The following PTPRU variants were observed in gnomAD, a reference collection of about 807,000 sequenced individuals.
The protein encoded by PTPRU is protein tyrosine phosphatase receptor type U.
PTPRU carries 69 observed loss-of-function variants against 166.3 expected under a neutral mutation model. The observed-to-expected ratio is 0.41, with a 90% confidence interval of 0.34 to 0.51. The LOEUF (loss-of-function observed/expected upper bound fraction) is 0.51. PTPRU is among the 20% of genes least tolerant of loss of function. The pLI is 0.09. For synonymous variants in PTPRU, 793 were observed against 814.0 expected (o/e 0.97, Z 0.44); for missense variants, 1,657 against 2,013.7 (o/e 0.82, Z 3.39).
At position 29,279,897 on chromosome 1, in the gene PTPRU, G is replaced by A. The variant is rs775058742; in HGVS notation, c.1766-142G>A. The A allele has an allele frequency of 5.3e-5, 52 of 982,146 alleles. No homozygotes were observed. In the Middle Eastern group the frequency reaches 9.1e-4, roughly 17 times the overall value. 60.8% of individuals were successfully genotyped at this position (982,146 alleles called of 1,614,324 possible). Reference sequence around the variant, plus strand: ...CTGGTGCCTGAGGTCAGGGGCCAGGGTAGCTCAGGTCATGTCAGCAGGAAC... The same window carrying A: ...CTGGTGCCTGAGGTCAGGGGCCAGGATAGCTCAGGTCATGTCAGCAGGAAC... On this transcript the variant is annotated intron_variant, in intron 10 of 29. Coordinates refer to ENST00000373779, the MANE Select transcript of PTPRU (RefSeq NM_133178.4). This position sits in a 1 kb window ranked among gnomAD's most constrained non-coding sequence, Gnocchi z 5.2.
intron 5 of PTPRU, 44 bp downstream of exon 5, chr1:29,259,608 G>A (rs1684945738): frequency 2.8e-6 from 4 of 1,448,526 alleles, no homozygotes; most frequent in Non-Finnish European, 3.8e-6. Flanking sequence ...GGTGGGAGGG[G>A]GTTGGTGGCT....
chr1:29,268,674 T>A (rs1373863535), intron 7 of PTPRU, among the ~76,000 whole-genome samples: 1 of 152,222 alleles, frequency 6.6e-6, no homozygotes, highest in African/African-American at 2.4e-5. Flanking sequence ...AGTATAGCGC[T>A]TAACACACAG....
rs1444836766 is a variant in PTPRU, at chr1:29,260,806, C to T, written c.1047C>T (p.Pro349=). ...CCTACAAGCTGTGGCACCTCGACCC[C>T]GACACAGAGTATGAGATCAGCGTGC... ...LQTYKLWHLD[P]DTEYEISVLL... Residue 349 remains proline, a synonymous_variant, in exon 7 of 30, where the codon CCC becomes CCT. Transcript: ENST00000373779. The surrounding 1 kb of genome is among the most constrained non-coding windows in gnomAD (Gnocchi z 8.3). 1 of 1,613,338 alleles carries T rather than the reference C, an allele frequency of 6.2e-7. No individual in the cohort carries two copies. Among genetic ancestry groups the T allele is most frequent in the Non-Finnish European group, 8.5e-7 (1 of 1,179,778 alleles).
In PTPRU at chr1:29,315,154, CCT is replaced by C. The variant is rs1687840392; in HGVS notation, c.3228-217_3228-216del. On this transcript the variant is annotated intron_variant, in intron 22 of 29. Transcript: ENST00000373779. The surrounding 1 kb of genome is among the most constrained non-coding windows in gnomAD (Gnocchi z 4.5). ...CTCCCCACCCTCTCTCCTCTCCTTC[CCT>C]GAGGCCCATCCCATCTCTGTCCTCT... Among the ~76,000 whole-genome samples the C allele has an allele frequency of 6.6e-6, 1 of 152,166 alleles. No individual in the cohort carries two copies. Among genetic ancestry groups the C allele is most frequent in the South Asian group, 2.1e-4 (1 of 4,828 alleles).
intron 12 of PTPRU, 174 bp from the exon 13 acceptor site, chr1:29,283,766 T>C: frequency 1.4e-6 from 1 of 713,992 alleles, no homozygotes; most frequent in Non-Finnish European, 2.4e-6. Flanking sequence ...GCCTCCCCTC[T>C]AGGCCCCGCT....
chr1:29,259,600 T>TTGGGGGGGGGGGGGGGGGGG, intron 5 of PTPRU, 36 bp downstream of exon 5: 1 of 253,696 alleles, frequency 3.9e-6, no homozygotes, highest in Non-Finnish European at 7.7e-6. Context: ...GGGGGCGGGG[T>TTGGGGGGGGGGGGGGGGGGG]GGGAGGGGGT....
intron 7 of PTPRU, among the ~76,000 whole-genome samples, chr1:29,269,190 T>C (rs1685429503): frequency 7.3e-6 from 1 of 137,306 alleles, no homozygotes. Flanking sequence ...GCTACAGGCT[T>C]GCACCACCAT....
intron 7 of PTPRU, among the ~76,000 whole-genome samples, chr1:29,270,096 A>G (rs1685496469): frequency 2.0e-5 from 3 of 152,140 alleles, no homozygotes; most frequent in African/African-American, 7.2e-5. Context: ...GTGGTTGAAG[A>G]AAGGGCTTTT....
At chr1:29,250,994 G>A (rs1162466580) in intron 1 of PTPRU, among the ~76,000 whole-genome samples, 1 of 152,240 alleles carries the variant, frequency 6.6e-6, no homozygotes, top group Admixed American at 6.5e-5. Flanking sequence ...GCTCATGCCT[G>A]TAATCCCAGC....
intron 2 of PTPRU, among the ~76,000 whole-genome samples, chr1:29,256,260 G>A (rs1297245571): frequency 6.6e-6 from 1 of 152,126 alleles, no homozygotes; most frequent in Non-Finnish European, 1.5e-5. Context: ...CTCTTCACTG[G>A]ATGCAGGATC....
chr1:29,315,774 C>T lies in PTPRU; in HGVS notation c.3364-228C>T, dbSNP rs1224241288. Among the ~76,000 whole-genome samples the T allele has an allele frequency of 1.3e-5, 2 of 152,194 alleles. No individual in the cohort carries two copies. The highest frequency in any genetic ancestry group is 2.9e-5 in the Non-Finnish European group (2 of 68,024). On this transcript the variant is annotated intron_variant, in intron 23 of 29. Coordinates refer to ENST00000373779, the MANE Select transcript of PTPRU (RefSeq NM_133178.4). This position sits in a 1 kb window ranked among gnomAD's most constrained non-coding sequence, Gnocchi z 4.5. ...GGATGTGTGACCGTGAGCTGTCCCC[C>T]ACCTCTCAGAGCACTCACAGAGTTG...
rs1330793751 is a variant in PTPRU, at chr1:29,291,859, C to G, written c.2319-10C>G. 5.0e-6 allele frequency: 8 copies of G among 1,613,432 alleles called. No individual in the cohort carries two copies. Among genetic ancestry groups the G allele is most frequent in the Non-Finnish European group, 6.8e-6 (8 of 1,179,708 alleles). ...CAATGCCTGTGTCTCCCCTCAACCCCCCTCTCCAGGAAGCCGGTGAACATG... is the reference window on the plus strand; with the variant it reads ...CAATGCCTGTGTCTCCCCTCAACCCGCCTCTCCAGGAAGCCGGTGAACATG... On this transcript the variant is annotated splice_polypyrimidine_tract_variant and intron_variant, in intron 14 of 29. Transcript: ENST00000373779. This position sits in a 1 kb window ranked among gnomAD's most constrained non-coding sequence, Gnocchi z 4.1.
intron 25 of PTPRU, among the ~76,000 whole-genome samples, chr1:29,319,896 TAGATCTTTAATGGG>T (rs2151970434): frequency 6.6e-6 from 1 of 151,874 alleles, no homozygotes; most frequent in South Asian, 2.1e-4. Flanking sequence ...GGCTGGGAGC[TAGATCTTTAATGGG>T]AGAAGGCCGG....
rs1688255611 is a variant in PTPRU, at chr1:29,323,450, A to G, written c.3908A>G (p.Asp1303Gly). 2 of 1,609,950 alleles carry G rather than the reference A, an allele frequency of 1.2e-6. No homozygotes were observed. Among genetic ancestry groups the G allele is most frequent in the Non-Finnish European group, 1.7e-6 (2 of 1,178,212 alleles). The change falls in exon 27 of 30, where the codon GAT becomes GGT. Residue 1303 changes from aspartate (D) to glycine (G), a missense_variant. This residue lies in a region of PTPRU where 1,190 missense variants were observed against 1,477.4 expected (regional missense o/e 0.81). Coordinates refer to ENST00000373779, the MANE Select transcript of PTPRU (RefSeq NM_133178.4). ...MEVEFMSGTA[D>G]EDLVARVFRV... is the part of the protein sequence containing the mutation. The stretch of plus-strand genomic sequence containing the variant: ...GTGGAGTTTATGTCGGGCACAGCTG[A>G]TGAAGACTTAGTGGCTCGAGTCTTC...
rs1258624892 is a variant in PTPRU at position 29,311,827 on chromosome 1, C to T, written c.3072+68C>T. 9.0e-6 allele frequency: 13 copies of T among 1,446,892 alleles called. No individual in the cohort carries two copies. In the Admixed American group the frequency reaches 2.1e-4, roughly 23 times the overall value. The allele number at this position is 1,446,892 out of a possible 1,614,324, so 89.6% of individuals were successfully genotyped here. On this transcript the variant is annotated intron_variant, in intron 21 of 29. Coordinates refer to ENST00000373779, the MANE Select transcript of PTPRU (RefSeq NM_133178.4). This position sits in a 1 kb window ranked among gnomAD's most constrained non-coding sequence, Gnocchi z 4.1. ...CAGGGATTAGAGCCCACTCCCACTTCCCCCAGCCCTGGGAGCAGGAGGGTG... is the reference window on the plus strand; with the variant it reads ...CAGGGATTAGAGCCCACTCCCACTTTCCCCAGCCCTGGGAGCAGGAGGGTG...
intron 7 of PTPRU, among the ~76,000 whole-genome samples, chr1:29,269,532 CAG>C (rs1685470889): frequency 6.6e-6 from 1 of 151,872 alleles, no homozygotes; most frequent in Non-Finnish European, 1.5e-5. Flanking sequence ...GCCTGGCAGA[CAG>C]GGTGCAAACA....
chr1:29,239,109 T>C (rs1375228961), intron 1 of PTPRU, among the ~76,000 whole-genome samples: 1 of 152,186 alleles, frequency 6.6e-6, no homozygotes, highest in Admixed American at 6.5e-5. Flanking sequence ...TACTTGCTAT[T>C]CATGTGATGT....
intron 12 of PTPRU, among the ~76,000 whole-genome samples, 186 bp downstream of exon 12, chr1:29,283,135 C>G (rs1042227288): frequency 6.6e-6 from 1 of 150,802 alleles, no homozygotes; most frequent in South Asian, 2.1e-4. Context: ...CTCCTGTAGC[C>G]CCACCTCCCA....
intron 7 of PTPRU, among the ~76,000 whole-genome samples, chr1:29,274,124 A>G (rs1352006533): frequency 1.3e-5 from 2 of 152,168 alleles, no homozygotes; most frequent in Non-Finnish European, 2.9e-5. Flanking sequence ...TCTGCCTCCC[A>G]GGTTCAAGAG....
Sources: gnomAD v4.1 joint callset for allele counts (sites outside exome capture counted in the v4.1 genomes callset) on GRCh38, gnomAD v4.1.1 for gene constraint, gnomAD v4.1.1 regional missense constraint, Gnocchi (gnomAD v3.1) non-coding constraint, MANE v1.5 for transcripts, NCBI Gene and HGNC (gene_info 2026-07-23, HGNC 2026-07-21) for gene names.